The following ZSCAN4 variants were observed in gnomAD, a reference collection of about 807,000 sequenced individuals.
ZSCAN4 encodes zinc finger and SCAN domain-containing protein 4.
ZSCAN4 carries 18 observed loss-of-function variants against 18.3 expected under a neutral mutation model. That is an observed-to-expected ratio of 0.98 (90% CI 0.68 to 1.46). The LOEUF (loss-of-function observed/expected upper bound fraction) is 1.46, where lower values mean the gene tolerates loss of function less well. ZSCAN4 is among the 40% of genes most tolerant of loss of function. ZSCAN4 has a pLI of 0.00. For synonymous variants in ZSCAN4, 193 were observed against 180.3 expected (o/e 1.07, Z -0.57); for missense variants, 498 against 511.4 (o/e 0.97, Z 0.25).
chr19:57,654,753 C>T, the ZSCAN4 span, among the ~76,000 whole-genome samples: 1 of 152,284 alleles, frequency 6.6e-6, no homozygotes, highest in East Asian at 1.9e-4. Context: ...CCTTTTTTCA[C>T]CATCCCCTTG....
At chr19:57,673,041 A>T (rs114999703) in intron 2 of ZSCAN4, among the ~76,000 whole-genome samples, 2,933 of 151,992 alleles carry the variant, frequency 0.019, 97 homozygotes, top group African/African-American at 0.067. Context: ...ACATTTAATT[A>T]ATTAATTTAT....
At chr19:57,671,564 A>C (rs1218309900) in intron 2 of ZSCAN4, among the ~76,000 whole-genome samples, 1 of 151,960 alleles carries the variant, frequency 6.6e-6, no homozygotes, top group Non-Finnish European at 1.5e-5. Context: ...CACAACACCT[A>C]AGATGGAGCT....
the ZSCAN4 span, among the ~76,000 whole-genome samples, chr19:57,659,593 A>G: frequency 6.6e-6 from 1 of 152,234 alleles, no homozygotes; most frequent in Non-Finnish European, 1.5e-5. Flanking sequence ...CTGAAGAAAT[A>G]TGACATACCA....
chr19:57,660,693 C>G, the ZSCAN4 span, among the ~76,000 whole-genome samples: 3 of 152,210 alleles, frequency 2.0e-5, no homozygotes, highest in East Asian at 5.8e-4. Context: ...CATTCTCATT[C>G]TCATGTACTC....
chr19:57,663,255 C>CAA, the ZSCAN4 span, among the ~76,000 whole-genome samples: 24,811 of 147,810 alleles, frequency 0.17, 2,095 homozygotes, highest in East Asian at 0.27. Context: ...AGACCTGAGG[C>CAA]AAAAAAAAAT....
the ZSCAN4 span, among the ~76,000 whole-genome samples, chr19:57,663,484 G>C: frequency 7.8e-6 from 1 of 128,228 alleles, no homozygotes; most frequent in Admixed American, 8.6e-5. Context: ...CTAGGAGTTC[G>C]AGGCCAGTCT....
upstream of ZSCAN4, among the ~76,000 whole-genome samples, chr19:57,667,943 C>T (rs953823211): frequency 1.3e-5 from 2 of 151,976 alleles, no homozygotes; most frequent in Non-Finnish European, 2.9e-5. Flanking sequence ...ACTCTGTCGC[C>T]CAGGCTGGAG....
the ZSCAN4 span, among the ~76,000 whole-genome samples, chr19:57,658,690 T>G: frequency 3.3e-5 from 5 of 151,632 alleles, no homozygotes; most frequent in African/African-American, 7.3e-5. Context: ...AAAAATTAGC[T>G]AGGCATGGTG....
At chr19:57,677,241 T>C (rs906798398) in intron 3 of ZSCAN4, among the ~76,000 whole-genome samples, 1 of 152,228 alleles carries the variant, frequency 6.6e-6, no homozygotes, top group Non-Finnish European at 1.5e-5. Context: ...ATTTGTAAGC[T>C]TAAAATAAAT....
the ZSCAN4 span, among the ~76,000 whole-genome samples, chr19:57,660,795 G>A: frequency 1.1e-4 from 17 of 152,184 alleles, no homozygotes; most frequent in South Asian, 2.9e-3. Flanking sequence ...TCCTTGCCTA[G>A]TTTAAGTGGA....
chr19:57,678,331 C>T (rs1405581881), exon 5 of ZSCAN4: 3 of 1,613,974 alleles, frequency 1.9e-6, no homozygotes, highest in Non-Finnish European at 2.5e-6. Flanking sequence ...CCATACAACT[C>T]AAAAAGAGCA....
the ZSCAN4 span, among the ~76,000 whole-genome samples, chr19:57,663,523 A>C: frequency 2.3e-5 from 2 of 87,620 alleles, no homozygotes; most frequent in African/African-American, 1.2e-4. Context: ...ATGTCTCTAA[A>C]AAAAAAAAAA....
At chr19:57,672,359 T>G (rs1984048871) in intron 2 of ZSCAN4, among the ~76,000 whole-genome samples, 1 of 152,168 alleles carries the variant, frequency 6.6e-6, no homozygotes, top group Non-Finnish European at 1.5e-5. Context: ...CTTGCAGATG[T>G]CTGTGCCTAA....
chr19:57,676,877 C>T (rs1312070698), intron 3 of ZSCAN4, among the ~76,000 whole-genome samples: 2 of 152,210 alleles, frequency 1.3e-5, no homozygotes, highest in African/African-American at 4.8e-5. Context: ...CTCCCAGGCA[C>T]AAGTCATTCT....
chr19:57,665,945 G>T (rs182787531), upstream of ZSCAN4, among the ~76,000 whole-genome samples: 3 of 152,030 alleles, frequency 2.0e-5, no homozygotes, highest in Non-Finnish European at 4.4e-5. Flanking sequence ...ATATCTTTGC[G>T]AGGCCCAAGT....
In ZSCAN4 at chr19:57,678,080, G is replaced by GT. The variant is rs1568452617; in HGVS notation, c.562+2dup. The GT allele has an allele frequency of 1.9e-6, 3 of 1,582,600 alleles. No homozygotes were observed. The highest frequency in any genetic ancestry group is 1.8e-5 in the Admixed American group (1 of 56,136). ...GATACTTCCTTAGAAACAGGACAAG[G>GT]TAAGTCAGGTGAATCTGCACAACTG... On this transcript the variant is annotated splice_donor_variant, in intron 4 of 4. Transcript: ENST00000318203. LOFTEE classifies it high-confidence loss of function.
the ZSCAN4 span, among the ~76,000 whole-genome samples, chr19:57,655,754 A>G: frequency 6.6e-6 from 1 of 151,714 alleles, no homozygotes; most frequent in African/African-American, 2.4e-5. Flanking sequence ...TTGACTCTGA[A>G]CTCTGTCACT....
At chr19:57,659,834 A>C in the ZSCAN4 span, among the ~76,000 whole-genome samples, 1 of 151,888 alleles carries the variant, frequency 6.6e-6, no homozygotes. Flanking sequence ...GATCAATTTT[A>C]TTTTTACTTT....
rs771861253 is a variant in ZSCAN4, at chr19:57,678,386, C to T, written c.783C>T (p.Ile261=). ...CTCAGGAAGGGTCCATAAATGGAAT[C>T]ACTTTCCAAGGTGTCCCTATGGTGA... Residue 261 remains isoleucine (I), a synonymous_variant, in exon 5 of 5, where the codon ATC becomes ATT. Transcript: ENST00000318203. 3.1e-6 allele frequency: 5 copies of T among 1,614,146 alleles called. No individual in the cohort carries two copies. The Admixed American group carries it at 5.0e-5, about 16-fold the overall frequency.
Sources: gnomAD v4.1 joint callset for allele counts (sites outside exome capture counted in the v4.1 genomes callset) on GRCh38, gnomAD v4.1.1 for gene constraint, MANE v1.5 for transcripts, NCBI Gene and HGNC (gene_info 2026-07-23, HGNC 2026-07-21) for gene names.